Variants in SV2C observed in about 807,000 individuals in gnomAD.
The protein encoded by SV2C is solute carrier family 22 member B3.
In SV2C, 49 loss-of-function variants were observed where a neutral mutation model predicts 79.7. The ratio of observed to expected loss-of-function variants is 0.61; its 90% CI spans 0.49 to 0.78. SV2C has a LOEUF of 0.78. SV2C is among the 30% of genes least tolerant of loss of function. The probability of loss-of-function intolerance (pLI) is 0.00; values close to 1 mark genes in which losing one functional copy is unlikely to be tolerated. For missense variants in SV2C, 833 were observed against 912.9 expected, an observed-to-expected ratio of 0.91 and a Z score of 1.13; for synonymous variants, 334 against 333.2, an observed-to-expected ratio of 1.00 and a Z score of -0.03.
intron 12 of SV2C, among the ~76,000 whole-genome samples, chr5:76,352,365 G>A (rs2112593232): frequency 6.6e-6 from 1 of 152,288 alleles, no homozygotes; most frequent in Admixed American, 6.5e-5. Context: ...GGAAACATAA[G>A]CCCCCAGTTC....
intron 12 of SV2C, among the ~76,000 whole-genome samples, chr5:76,349,915 G>A (rs540306386): frequency 2.2e-4 from 34 of 152,298 alleles, no homozygotes; most frequent in African/African-American, 8.2e-4. Flanking sequence ...CAGGTATGCA[G>A]TTGAAGACTT....
chr5:76,296,936 T>C (rs1747790873), intron 9 of SV2C, among the ~76,000 whole-genome samples: 1 of 152,226 alleles, frequency 6.6e-6, no homozygotes, highest in African/African-American at 2.4e-5. Flanking sequence ...GAAAGCTTAG[T>C]GTCAAGTCCT....
At chr5:76,175,294 A>C (rs1259827021) in intron 2 of SV2C, among the ~76,000 whole-genome samples, 2 of 152,206 alleles carry the variant, frequency 1.3e-5, no homozygotes, top group Non-Finnish European at 2.9e-5. Context: ...CCTGAAACAC[A>C]ATATGAATTG....
chr5:76,111,103 C>T (rs1748081214), intron 1 of SV2C, among the ~76,000 whole-genome samples: 1 of 152,108 alleles, frequency 6.6e-6, no homozygotes, highest in Non-Finnish European at 1.5e-5. Context: ...CCCTGAAAAT[C>T]CAAGGGCTGG....
intron 1 of SV2C, among the ~76,000 whole-genome samples, chr5:76,126,885 T>C (rs926196906): frequency 6.6e-6 from 1 of 152,126 alleles, no homozygotes; most frequent in Non-Finnish European, 1.5e-5. Flanking sequence ...CAGGTTTCAG[T>C]TTTCTTATCT....
the SV2C span, among the ~76,000 whole-genome samples, chr5:76,020,627 G>T: frequency 6.6e-6 from 1 of 152,136 alleles, no homozygotes; most frequent in Non-Finnish European, 1.5e-5. Flanking sequence ...CCTTTGCAAG[G>T]ACCTGATGGT....
chr5:76,171,663 G>C (rs1164489819), intron 2 of SV2C, among the ~76,000 whole-genome samples: 1 of 144,314 alleles, frequency 6.9e-6, no homozygotes, highest in African/African-American at 2.5e-5. Flanking sequence ...AGGGAGGTGG[G>C]GGGTCAGCCC....
chr5:75,970,486 G>C, the SV2C span, among the ~76,000 whole-genome samples: 1 of 152,052 alleles, frequency 6.6e-6, no homozygotes, highest in South Asian at 2.1e-4. Context: ...AAATGACAAA[G>C]GGGATATCAC....
chr5:75,936,331 A>C, the SV2C span, among the ~76,000 whole-genome samples: 2 of 152,210 alleles, frequency 1.3e-5, no homozygotes. Flanking sequence ...ATGTCTCTAC[A>C]GGTTCACTAC....
chr5:75,928,341 CT>C, the SV2C span, among the ~76,000 whole-genome samples: 2 of 152,190 alleles, frequency 1.3e-5, no homozygotes, highest in Non-Finnish European at 2.9e-5. Context: ...ATTTGATCCC[CT>C]GGAAACTGCA....
chr5:75,973,587 G>A, the SV2C span, among the ~76,000 whole-genome samples: 680 of 152,110 alleles, frequency 4.5e-3, 12 homozygotes, highest in African/African-American at 0.015. Flanking sequence ...GACGAGGGGA[G>A]ATTGATACAT....
At chr5:76,288,370 C>T (rs938439662) in intron 6 of SV2C, among the ~76,000 whole-genome samples, 1 of 152,140 alleles carries the variant, frequency 6.6e-6, no homozygotes, top group African/African-American at 2.4e-5. Context: ...GCAAAATTTT[C>T]TCTGCAGTAT....
chr5:76,166,970 A>C (rs1743064921), intron 2 of SV2C, among the ~76,000 whole-genome samples: 1 of 152,236 alleles, frequency 6.6e-6, no homozygotes, highest in Non-Finnish European at 1.5e-5. Flanking sequence ...GAAGAATTAC[A>C]GCACTTAAAG....
the SV2C span, among the ~76,000 whole-genome samples, chr5:76,074,000 G>T: frequency 1.3e-5 from 2 of 152,190 alleles, no homozygotes; most frequent in East Asian, 3.8e-4. Flanking sequence ...ATCCCTCATT[G>T]GTTGAGGGTT....
chr5:76,160,181 C>T (rs1742858697), intron 2 of SV2C, among the ~76,000 whole-genome samples: 1 of 152,044 alleles, frequency 6.6e-6, no homozygotes, highest in Admixed American at 6.6e-5. Flanking sequence ...CAGCTAGATT[C>T]TTTAGAGAAA....
chr5:76,120,524 C>CA (rs1748452267), intron 1 of SV2C, among the ~76,000 whole-genome samples: 2 of 112,528 alleles, frequency 1.8e-5, no homozygotes, highest in Admixed American at 1.9e-4. Context: ...CCCCTCCCCC[C>CA]ACCCCACAAC....
chr5:76,164,721 A>AGTGTGTGTGTGTGTGTGTGTGTGTGT lies in SV2C; in HGVS notation c.581-30193_581-30168dup, dbSNP rs10651569. Among the ~76,000 whole-genome samples, 34 of 141,892 alleles carry AGTGTGTGTGTGTGTGTGTGTGTGTGT rather than the reference A, an allele frequency of 2.4e-4. 1 individual carries two copies. Among genetic ancestry groups the AGTGTGTGTGTGTGTGTGTGTGTGTGT allele is most frequent in the South Asian group, 4.9e-4 (2 of 4,080 alleles). The allele number at this position is 141,892 out of a possible 152,430, so 93.1% of individuals were successfully genotyped here. On this transcript the variant is annotated intron_variant, in intron 2 of 12. Transcript: ENST00000502798. ...TTTGCTACTGTTGGGGATGGAACTC[A>AGTGTGTGTGTGTGTGTGTGTGTGTGT]GTGTGTGTGTGTGTGTGTGTGTGTG...
intron 4 of SV2C, among the ~76,000 whole-genome samples, chr5:76,267,235 G>A (rs1746690690): frequency 6.6e-6 from 1 of 152,110 alleles, no homozygotes; most frequent in South Asian, 2.1e-4. Flanking sequence ...ACCTGGTGTA[G>A]CCAGAGACAT....
chr5:76,342,179 C>T (rs1749454955), intron 12 of SV2C, among the ~76,000 whole-genome samples: 1 of 152,176 alleles, frequency 6.6e-6, no homozygotes. Context: ...CTTACCAACT[C>T]CTGCAGGCCG....
Sources: allele counts gnomAD v4.1 joint callset (sites outside exome capture counted in the v4.1 genomes callset), GRCh38; gene constraint gnomAD v4.1.1; transcripts MANE v1.5; gene names NCBI Gene and HGNC (gene_info 2026-07-23, HGNC 2026-07-21).